The following ITGA3 variants were observed in gnomAD, a reference collection of about 807,000 sequenced individuals.
The protein encoded by ITGA3 is integrin alpha-3.
ITGA3 carries 70 observed loss-of-function variants against 131.1 expected under a neutral mutation model. The observed-to-expected ratio is 0.53, with a 90% CI of 0.44 to 0.65. The LOEUF is 0.65. Ranked by LOEUF, ITGA3 falls within the 30% of genes least tolerant of loss-of-function variation. ITGA3 has a pLI of 0.00. For synonymous variants in ITGA3, 537 were observed against 571.6 expected, an observed-to-expected ratio of 0.94 and a Z score of 0.86; for missense variants, 1,098 against 1,388.6, an observed-to-expected ratio of 0.79 and a Z score of 3.33.
At chr17:50,075,342 G>C in intron 10 of ITGA3, 117 bp from the exon 11 acceptor site, 1 of 1,018,198 alleles carries the variant, frequency 9.8e-7, no homozygotes, top group Non-Finnish European at 1.5e-6. Context: ...CCCCAGTTTT[G>C]TCCCTGCCTC....
intron 3 of ITGA3, among the ~76,000 whole-genome samples, chr17:50,066,359 C>T (rs574370244): frequency 6.8e-6 from 1 of 147,980 alleles, no homozygotes; most frequent in Non-Finnish European, 1.5e-5. Flanking sequence ...CTGGCTCTGT[C>T]ACCCAGGCTG....
chr17:50,085,115 T>C (rs1298501312), intron 23 of ITGA3, among the ~76,000 whole-genome samples: 2 of 149,976 alleles, frequency 1.3e-5, no homozygotes, highest in East Asian at 2.0e-4. Context: ...GGTAGGAGAA[T>C]TGCTTGGACC....
rs1046797941 is a variant in ITGA3 at position 50,078,937 on chromosome 17, C to T, written c.2400+11C>T. 5.1e-6 allele frequency: 8 copies of T among 1,562,114 alleles called. No homozygotes were observed. The highest frequency in any genetic ancestry group is 2.2e-5 in the East Asian group (1 of 44,656). ...AAGTATGAATTCCAGGTAAGGGGCT[C>T]GCCAGAGTCCTGGGCTGGGGACTTC... On this transcript the variant is annotated intron_variant, in intron 19 of 25. Coordinates refer to ENST00000320031, the MANE Select transcript of ITGA3 (RefSeq NM_002204.4).
At chr17:50,072,832 A>G (rs1908692265) in intron 7 of ITGA3, among the ~76,000 whole-genome samples, 1 of 152,084 alleles carries the variant, frequency 6.6e-6, no homozygotes, top group African/African-American at 2.4e-5. Context: ...AGGGGTCCTC[A>G]TAAGTGTTCT....
Position 50,079,093 on chromosome 17 carries a change from G to T in ITGA3, c.2418G>T (p.Glu806Asp). ...KYEFQVGPMG[E>D]GLVGLGTLVL... ...GCCCACAGGTGGGCCCAATGGGGGA[G>T]GGGCTGGTGGGCCTGGGGACCCTGG... The change falls in exon 20 of 26, where the codon GAG becomes GAT. Residue 806 changes from glutamate to aspartate, a missense_variant. Coordinates refer to ENST00000320031, the MANE Select transcript of ITGA3 (RefSeq NM_002204.4). 1 of 1,613,746 alleles carries T rather than the reference G, an allele frequency of 6.2e-7. No homozygotes were observed. Among genetic ancestry groups the T allele is most frequent in the Non-Finnish European group, 8.5e-7 (1 of 1,179,882 alleles).
Position 50,075,500 on chromosome 17 carries a change from G to C in ITGA3, c.1511G>C (p.Gly504Ala). 6.2e-7 allele frequency: 1 copy of C among 1,614,218 alleles called. No individual in the cohort carries two copies. The highest frequency in any genetic ancestry group is 8.5e-7 in the Non-Finnish European group (1 of 1,180,048). ...ELCFAYNQSAGNPNYRRNITL... is the reference protein window; with the variant it reads ...ELCFAYNQSAANPNYRRNITL... ...TGCTTTGCTTACAACCAGAGTGCCG[G>C]GAACCCCAACTACAGGCGAAACATC... Residue 504 changes from glycine to alanine, a missense_variant, in exon 11 of 26, where the codon GGG becomes GCG. Physicochemically the swap from Gly to Ala is moderately conservative, Grantham distance 60. Around this residue, in one of 3 missense-constraint regions of ITGA3, gnomAD observed 699 missense variants for 829.2 expected, o/e 0.84. Transcript: ENST00000320031.
At position 50,056,192 on chromosome 17, in the gene ITGA3, G is replaced by A. The variant is rs1156852224; in HGVS notation, c.-248G>A. The A allele has an allele frequency of 4.7e-6, 2 of 427,704 alleles. No individual in the cohort carries two copies. Among genetic ancestry groups the A allele is most frequent in the Non-Finnish European group, 8.2e-6 (2 of 243,830 alleles). 26.5% of individuals were successfully genotyped at this position (427,704 alleles called of 1,614,324 possible). Reference sequence around the variant, plus strand: ...GACAAGCTGGGGGCCGGTTGCCCGGGGCAGGGACGGCGGCGACCCGGCCGC... The same window carrying A: ...GACAAGCTGGGGGCCGGTTGCCCGGAGCAGGGACGGCGGCGACCCGGCCGC... On this transcript the variant is annotated 5_prime_UTR_variant, in exon 1 of 26. Transcript: ENST00000320031. This position sits in a 1 kb window ranked among gnomAD's most constrained non-coding sequence, Gnocchi z 5.6.
At position 50,068,350 on chromosome 17, in the gene ITGA3, C is replaced by T. The variant is rs530224728; in HGVS notation, c.664+45C>T. The stretch of plus-strand genomic sequence containing the variant: ...GGGGGAAGAAAGGAAGAGCAGAGAC[C>T]ACCCACCCCTAGTTAGCCACGGGGA... On this transcript the variant is annotated intron_variant, in intron 4 of 25. Coordinates refer to ENST00000320031, the MANE Select transcript of ITGA3 (RefSeq NM_002204.4). 2.9e-5 allele frequency: 47 copies of T among 1,599,842 alleles called. No individual in the cohort carries two copies. In the South Asian group the frequency reaches 5.2e-4, roughly 18 times the overall value.
rs944103000 is a variant in ITGA3 at position 50,076,981 on chromosome 17, T to C, written c.1930T>C (p.Tyr644His). Residue 644 changes from tyrosine (Y) to histidine (H), a missense_variant, in exon 15 of 26, where the codon TAC (tyrosine) becomes CAC (histidine). Physicochemically the swap from Tyr to His is moderately conservative, Grantham distance 83 (BLOSUM62 2). This residue lies in a region of ITGA3 where 699 missense variants were observed against 829.2 expected (regional missense o/e 0.84). Transcript: ENST00000320031. Reference protein sequence around the residue: ...EQQQKLSRLQYSRDVRKLLLS... With the variant: ...EQQQKLSRLQHSRDVRKLLLS... ...CTGGGCTCCTGCTCTCAGGCTCCAGTACAGCAGAGACGTCCGGAAATTGCT... is the reference window on the plus strand; with the variant it reads ...CTGGGCTCCTGCTCTCAGGCTCCAGCACAGCAGAGACGTCCGGAAATTGCT... The C allele has an allele frequency of 1.2e-6, 2 of 1,609,104 alleles. No individual in the cohort carries two copies. Among genetic ancestry groups the C allele is most frequent in the Admixed American group, 1.7e-5 (1 of 59,786 alleles).
intron 1 of ITGA3, among the ~76,000 whole-genome samples, chr17:50,063,286 A>G (rs1348787240): frequency 6.6e-6 from 1 of 152,078 alleles, no homozygotes; most frequent in Non-Finnish European, 1.5e-5. Context: ...CTGGGGCCAC[A>G]TTGTCCAAAG....
At chr17:50,076,834 C>A in intron 14 of ITGA3, 140 bp from the exon 15 acceptor site, 1 of 1,176,004 alleles carries the variant, frequency 8.5e-7, no homozygotes. Context: ...GCTTTCTCCT[C>A]CAGGTGCGAC....
Position 50,068,180 on chromosome 17 carries a change from A to G in ITGA3, c.539A>G (p.Tyr180Cys). Residue 180 changes from tyrosine (Y) to cysteine (C), a missense_variant, in exon 4 of 26, where the codon TAC becomes TGC. Coordinates refer to ENST00000320031, the MANE Select transcript of ITGA3 (RefSeq NM_002204.4). ...GACTCCAGTGATGACTGGCAGACCTACCACAACGAGATGTGCAATAGCAAC... is the reference window on the plus strand; with the variant it reads ...GACTCCAGTGATGACTGGCAGACCTGCCACAACGAGATGTGCAATAGCAAC... ...ELDSSDDWQT[Y>C]HNEMCNSNTD... is the part of the protein sequence containing the mutation. 1 of 1,614,178 alleles carries G rather than the reference A, an allele frequency of 6.2e-7. No homozygotes were observed. Among genetic ancestry groups the G allele is most frequent in the Non-Finnish European group, 8.5e-7 (1 of 1,180,038 alleles).
chr17:50,077,115 G>A lies in ITGA3; in HGVS notation c.2064G>A (p.Val688=). 6.4e-7 allele frequency: 1 copy of A among 1,551,282 alleles called. No homozygotes were observed. The highest frequency in any genetic ancestry group is 8.7e-7 in the Non-Finnish European group (1 of 1,143,686). Residue 688 remains valine, a synonymous_variant, in exon 15 of 26, where the codon GTG becomes GTA. Transcript: ENST00000320031. ...CTCCCGCCCTGCTGCTGTCCTCAGT[G>A]CGCCCCGTGAGTGCCCGCCGGCCGG... is the stretch of plus-strand genomic sequence containing the variant. The part of the protein sequence containing the change: ...VVPPALLLSS[V]RPPGACQANE...
chr17:50,067,911 G>A, intron 3 of ITGA3, 145 bp from the exon 4 acceptor site: 1 of 1,078,732 alleles, frequency 9.3e-7, no homozygotes, highest in South Asian at 1.5e-5. Flanking sequence ...AGGAGATGCA[G>A]GTTTAAGTAT....
intron 24 of ITGA3, 31 bp downstream of exon 24, chr17:50,087,900 A>C: frequency 1.3e-6 from 2 of 1,522,362 alleles, no homozygotes; most frequent in Admixed American, 2.0e-5. Context: ...CTGCTCCGGG[A>C]CCTCCACCAG....
chr17:50,073,856 G>C lies in ITGA3; in HGVS notation c.1157-60G>C, dbSNP rs1908747209. 9 of 1,247,526 alleles carry C rather than the reference G, an allele frequency of 7.2e-6. 1 individual carries two copies. The South Asian group carries it at 1.1e-4, about 15-fold the overall frequency. 77.3% of individuals were successfully genotyped at this position (1,247,526 alleles called of 1,614,324 possible). On this transcript the variant is annotated intron_variant, in intron 7 of 25. Coordinates refer to ENST00000320031, the MANE Select transcript of ITGA3 (RefSeq NM_002204.4). ...TGGGCTGTATGGCCTGGAGCAAAGAGTTAGGGAGACGTGGGGCCCAGAGTA... is the reference window on the plus strand; with the variant it reads ...TGGGCTGTATGGCCTGGAGCAAAGACTTAGGGAGACGTGGGGCCCAGAGTA...
intron 1 of ITGA3, among the ~76,000 whole-genome samples, chr17:50,057,691 C>G (rs1290916050): frequency 1.3e-5 from 2 of 152,236 alleles, no homozygotes; most frequent in Non-Finnish European, 2.9e-5. Context: ...CTGCCCCCAC[C>G]TAGCCTCTGC....
rs770219180 is a variant in ITGA3 at position 50,072,208 on chromosome 17, C to A, written c.1156+26C>A. 4 of 1,589,960 alleles carry A rather than the reference C, an allele frequency of 2.5e-6. No homozygotes were observed. In the South Asian group the frequency reaches 4.5e-5, roughly 18 times the overall value. ...GTATGAGCCAGCACTCCTCCCCCAG[C>A]ACCCCTCCTCCAGCACCCCTCCTCC... On this transcript the variant is annotated intron_variant, in intron 7 of 25. Coordinates refer to ENST00000320031, the MANE Select transcript of ITGA3 (RefSeq NM_002204.4).
chr17:50,073,305 T>C (rs1021182101), intron 7 of ITGA3, among the ~76,000 whole-genome samples: 20 of 152,234 alleles, frequency 1.3e-4, no homozygotes, highest in African/African-American at 4.6e-4. Flanking sequence ...CAGCCCCTGC[T>C]GTGAGACAGC....
Sources: gnomAD v4.1 joint callset for allele counts (sites outside exome capture counted in the v4.1 genomes callset) on GRCh38, gnomAD v4.1.1 for gene constraint, gnomAD v4.1.1 regional missense constraint, Gnocchi (gnomAD v3.1) non-coding constraint, MANE v1.5 for transcripts, NCBI Gene and HGNC (gene_info 2026-07-23, HGNC 2026-07-21) for gene names.